BUB3: variants seen among roughly 807,000 people sequenced by gnomAD.
BUB3 encodes the protein BUB3 mitotic checkpoint protein, also known as mitotic checkpoint protein BUB3.
BUB3 carries 22 observed loss-of-function variants against 39.9 expected under a neutral mutation model. The observed-to-expected ratio is 0.55, with a 90% confidence interval of 0.39 to 0.79. BUB3 has a LOEUF of 0.79. BUB3 is among the 30% of genes least tolerant of loss of function. The pLI, the probability that BUB3 is intolerant of heterozygous loss-of-function variation, is 0.00. For synonymous variants in BUB3, 168 were observed against 155.1 expected, an observed-to-expected ratio of 1.08 and a Z score of -0.62; for missense variants, 303 against 415.4, an observed-to-expected ratio of 0.73 and a Z score of 2.35.
chr10:123,159,029 TG>T (rs1245308729), intron 4 of BUB3, among the ~76,000 whole-genome samples: 3 of 152,236 alleles, frequency 2.0e-5, no homozygotes, highest in Admixed American at 6.5e-5. Flanking sequence ...GATCTCTTTC[TG>T]GATTCTTTAT....
chr10:123,155,662 C>T lies in BUB3; in HGVS notation c.200C>T (p.Pro67Leu). 4 of 1,613,884 alleles carry T rather than the reference C, an allele frequency of 2.5e-6. No homozygotes were observed. Among genetic ancestry groups the T allele is most frequent in the Non-Finnish European group, 3.4e-6 (4 of 1,179,844 alleles). The change falls in exon 3 of 8, where the codon CCA (proline) becomes CTA (leucine). Residue 67 changes from proline (P) to leucine (L), a missense_variant. Pro to Leu is a moderately conservative substitution (Grantham distance 98). This residue lies in a region of BUB3 where 121 missense variants were observed against 122.3 expected (regional missense o/e 0.99). Coordinates refer to ENST00000368865, the MANE Select transcript of BUB3 (RefSeq NM_004725.4). ...CGGTTCAAAACTATTTTATAGGATC[C>T]AACGCATGCCTGGAGTGGAGGACTA... ...GAVLDCAFYD[P>L]THAWSGGLDH...
In BUB3 at chr10:123,163,928, A is replaced by T. The variant is rs1461458369; in HGVS notation, c.*93A>T. The T allele has an allele frequency of 2.2e-6, 3 of 1,382,074 alleles. No individual in the cohort carries two copies. The highest frequency in any genetic ancestry group is 2.9e-6 in the Non-Finnish European group (3 of 1,047,792). The allele number at this position is 1,382,074 out of a possible 1,614,324, so 85.6% of individuals were successfully genotyped here. A position where few individuals can be genotyped will look rare whatever the true frequency, so the allele number is the denominator to read the frequency against. On this transcript the variant is annotated 3_prime_UTR_variant, in exon 8 of 8. Coordinates refer to ENST00000368865, the MANE Select transcript of BUB3 (RefSeq NM_004725.4). The stretch of plus-strand genomic sequence containing the variant: ...TTATTACTATTAAAGAAACCAGGGA[A>T]AATATTAATTTTAATATTATAACAA...
chr10:123,162,123 T>C lies in BUB3; in HGVS notation c.577-113T>C. On this transcript the variant is annotated intron_variant, in intron 5 of 7. Transcript: ENST00000368865. ...CTAAACACTTCATTAAAGCCTGCTG[T>C]ACTTCTCATTTCTGAAATAATCACT... 6.4e-6 allele frequency: 6 copies of C among 943,222 alleles called. No individual in the cohort carries two copies. In the South Asian group the frequency reaches 9.4e-5, roughly 15 times the overall value. 58.4% of individuals were successfully genotyped at this position (943,222 alleles called of 1,614,324 possible). A position where few individuals can be genotyped will look rare whatever the true frequency, so the allele number is the denominator to read the frequency against.
At chr10:123,161,914 CA>C (rs1277171361) in intron 5 of BUB3, among the ~76,000 whole-genome samples, 1 of 151,708 alleles carries the variant, frequency 6.6e-6, no homozygotes, top group Non-Finnish European at 1.5e-5. Context: ...ACTGAGGGAA[CA>C]AATTTGAGTC....
At chr10:123,160,243 T>TA (rs1462998467) in intron 4 of BUB3, among the ~76,000 whole-genome samples, 164 bp from the exon 5 acceptor site, 1 of 152,260 alleles carries the variant, frequency 6.6e-6, no homozygotes, top group Non-Finnish European at 1.5e-5. Context: ...TTATGTGAAT[T>TA]ACTTGGTTTG....
Position 123,164,994 on chromosome 10 carries a change from A to G in BUB3, c.*1159A>G. On this transcript the variant is annotated 3_prime_UTR_variant, in exon 8 of 8. Coordinates refer to ENST00000368865, the MANE Select transcript of BUB3 (RefSeq NM_004725.4). ...TTTTTTTTTTTAAGTATTTCAGTGA[A>G]AACTTGGTGTAAGTCTGAACCCATC... The G allele has an allele frequency of 6.3e-7, 1 of 1,578,868 alleles. No homozygotes were observed. The highest frequency in any genetic ancestry group is 8.6e-7 in the Non-Finnish European group (1 of 1,167,006).
Position 123,160,557 on chromosome 10 carries a change from A to G in BUB3, c.568A>G (p.Asn190Asp). Reference protein sequence around the residue: ...YQTRCIRAFPNKQGYVLSSIE... With the variant: ...YQTRCIRAFPDKQGYVLSSIE... ...GACTCGCTGCATACGAGCGTTTCCA[A>G]ACAAGCAGGTATTGAACTATACCTC... Residue 190 changes from asparagine to aspartate, a missense_variant, in exon 5 of 8, where the codon AAC becomes GAC. Asn to Asp is a conservative substitution (Grantham distance 23, BLOSUM62 1). This residue lies in a region of BUB3 where 182 missense variants were observed against 293.1 expected (regional missense o/e 0.62). Coordinates refer to ENST00000368865, the MANE Select transcript of BUB3 (RefSeq NM_004725.4). 1.3e-6 allele frequency: 2 copies of G among 1,597,198 alleles called. No homozygotes were observed. Among genetic ancestry groups the G allele is most frequent in the Non-Finnish European group, 8.5e-7 (1 of 1,174,372 alleles).
rs1387134760 is a variant in BUB3 at position 123,160,472 on chromosome 10, G to A, written c.483G>A (p.Val161=). 1 of 1,613,562 alleles carries A rather than the reference G, an allele frequency of 6.2e-7. No homozygotes were observed. ...IVGTAGRRVL[V]WDLRNMGYVQ... Reference sequence around the variant, plus strand: ...GAACAGCAGGCCGCAGAGTGTTGGTGTGGGACTTACGGAACATGGGTTACG... The same window carrying A: ...GAACAGCAGGCCGCAGAGTGTTGGTATGGGACTTACGGAACATGGGTTACG... Residue 161 remains valine (V), a synonymous_variant, in exon 5 of 8, where the codon GTG becomes GTA. Transcript: ENST00000368865.
intron 3 of BUB3, among the ~76,000 whole-genome samples, chr10:123,157,087 G>A (rs1467888553): frequency 6.6e-6 from 1 of 152,070 alleles, no homozygotes; most frequent in African/African-American, 2.4e-5. Flanking sequence ...CACAGATTCT[G>A]GTACATAGTA....
intron 4 of BUB3, among the ~76,000 whole-genome samples, chr10:123,158,174 C>A (rs1844374483): frequency 6.6e-6 from 1 of 152,184 alleles, no homozygotes; most frequent in African/African-American, 2.4e-5. Flanking sequence ...TCAGAGAAGT[C>A]ATTTAGCAGA....
At position 123,164,850 on chromosome 10, in the gene BUB3, A is replaced by C; in HGVS notation, c.*1015A>C. ...AGTTCCAAATAGTATTTTTGTTGTC[A>C]AACTTTAAAATTTATATTAATTTGC... On this transcript the variant is annotated 3_prime_UTR_variant, in exon 8 of 8. Coordinates refer to ENST00000368865, the MANE Select transcript of BUB3 (RefSeq NM_004725.4). 1 of 1,355,476 alleles carries C rather than the reference A, an allele frequency of 7.4e-7. No homozygotes were observed. The highest frequency in any genetic ancestry group is 9.5e-7 in the Non-Finnish European group (1 of 1,056,056). 84.0% of individuals were successfully genotyped at this position (1,355,476 alleles called of 1,614,324 possible).
In BUB3 at chr10:123,169,160, TC is replaced by T. The variant is rs1364530280; in HGVS notation, c.*5327del. On this transcript the variant is annotated 3_prime_UTR_variant, in exon 8 of 8. Transcript: ENST00000368865. The stretch of plus-strand genomic sequence containing the variant: ...CACGGGCTTTCCCCCTATCGGCTGT[TC>T]CAGAGCGAGAGGCTGCAGGTGTCCA... The T allele has an allele frequency of 1.3e-5, 2 of 152,250 alleles. No individual in the cohort carries two copies. The highest frequency in any genetic ancestry group is 2.9e-5 in the Non-Finnish European group (2 of 68,054). 9.4% of individuals were successfully genotyped at this position (152,250 alleles called of 1,614,324 possible).
intron 3 of BUB3, among the ~76,000 whole-genome samples, chr10:123,156,753 G>GTTTTTTTTT (rs756642442): frequency 5.9e-5 from 8 of 135,118 alleles, no homozygotes; most frequent in African/African-American, 2.0e-4. Flanking sequence ...TTTCTTTCTT[G>GTTTTTTTTT]TTTTTTTTTT....
intron 2 of BUB3, 44 bp downstream of exon 2, chr10:123,155,156 C>A: frequency 1.3e-6 from 2 of 1,583,056 alleles, no homozygotes; most frequent in Non-Finnish European, 1.7e-6. Context: ...ACTGTGTTAA[C>A]GATTCTCCAC....
In BUB3 at chr10:123,163,983, A is replaced by AT. The variant is rs75406601; in HGVS notation, c.*159dup. On this transcript the variant is annotated 3_prime_UTR_variant, in exon 8 of 8. Coordinates refer to ENST00000368865, the MANE Select transcript of BUB3 (RefSeq NM_004725.4). ...AAAATAATGGAAAAGAGGTTTTTGAATTTTTTTTTTTAAATAAACACCTTC... is the reference window on the plus strand; with the variant it reads ...AAAATAATGGAAAAGAGGTTTTTGAATTTTTTTTTTTTAAATAAACACCTTC... 27,656 of 1,117,992 alleles carry AT rather than the reference A, an allele frequency of 0.025. 194 individuals carry two copies. The highest frequency in any genetic ancestry group is 0.1 in the East Asian group (2,983 of 28,484). 69.3% of individuals were successfully genotyped at this position (1,117,992 alleles called of 1,614,324 possible). A position where few individuals can be genotyped will look rare whatever the true frequency, so the allele number is the denominator to read the frequency against.
intron 6 of BUB3, 38 bp downstream of exon 6, chr10:123,162,451 A>G (rs770630183): frequency 3.1e-6 from 5 of 1,598,078 alleles, no homozygotes; most frequent in South Asian, 2.2e-5. Context: ...TAATTATTAT[A>G]CTATTTGGTG....
At chr10:123,161,371 CT>C (rs1007093586) in intron 5 of BUB3, among the ~76,000 whole-genome samples, 6 of 150,892 alleles carry the variant, frequency 4.0e-5, no homozygotes, top group Non-Finnish European at 5.9e-5. Flanking sequence ...ATCACAGTTC[CT>C]TTTTTTTTAG....
chr10:123,169,363 A>G lies in BUB3; in HGVS notation c.*5528A>G, dbSNP rs1844525761. Reference sequence around the variant, plus strand: ...AGGGCCACCTAGTTAGAATTTGATTATTTGAGCAACTATTTAGTGCCTGTG... The same window carrying G: ...AGGGCCACCTAGTTAGAATTTGATTGTTTGAGCAACTATTTAGTGCCTGTG... On this transcript the variant is annotated 3_prime_UTR_variant, in exon 8 of 8. Coordinates refer to ENST00000368865, the MANE Select transcript of BUB3 (RefSeq NM_004725.4). 1.3e-5 allele frequency: 2 copies of G among 152,234 alleles called. No individual in the cohort carries two copies. The highest frequency in any genetic ancestry group is 4.8e-5 in the African/African-American group (2 of 41,470). 9.4% of individuals were successfully genotyped at this position (152,234 alleles called of 1,614,324 possible).
rs1241345972 is a variant in BUB3, at chr10:123,162,799, C to T, written c.942C>T (p.Arg314=). 6.2e-7 allele frequency: 1 copy of T among 1,613,226 alleles called. No homozygotes were observed. The highest frequency in any genetic ancestry group is 1.7e-5 in the Admixed American group (1 of 59,732). ...TEHPEDGIFI[R]QVTDAETKPK... ...ATCCTGAAGATGGTATCTTCATTCG[C>T]CAAGTGACAGATGCAGAAACAAAAC... is the stretch of plus-strand genomic sequence containing the variant. Residue 314 remains arginine, a synonymous_variant, in exon 7 of 8, where the codon CGC becomes CGT. Transcript: ENST00000368865.
Sources: gnomAD v4.1 joint callset for allele counts (sites outside exome capture counted in the v4.1 genomes callset) on GRCh38, gnomAD v4.1.1 for gene constraint, gnomAD v4.1.1 regional missense constraint, MANE v1.5 for transcripts, NCBI Gene and HGNC (gene_info 2026-07-23, HGNC 2026-07-21) for gene names.